The following NUTM1 variants were observed in gnomAD, a reference collection of about 807,000 sequenced individuals.
NUTM1 encodes NUT midline carcinoma family member 1.
In NUTM1, 39 loss-of-function variants were observed where a neutral mutation model predicts 88.7. That is an observed-to-expected ratio of 0.44 (90% CI 0.34 to 0.57). The LOEUF (loss-of-function observed/expected upper bound fraction) is 0.57, where lower values mean the gene tolerates loss of function less well. Among genes scored for constraint, NUTM1 ranks in the 20% least tolerant of loss-of-function variants. The pLI, the probability that NUTM1 is intolerant of heterozygous loss-of-function variation, is 0.01. For missense variants in NUTM1, 1,350 were observed against 1,414.5 expected, an observed-to-expected ratio of 0.95 and a Z score of 0.73; for synonymous variants, 494 against 538.0, an observed-to-expected ratio of 0.92 and a Z score of 1.13.
chr15:34,345,255 T>A (rs1890565892), intron 1 of NUTM1, among the ~76,000 whole-genome samples: 1 of 152,224 alleles, frequency 6.6e-6, no homozygotes, highest in Non-Finnish European at 1.5e-5. Flanking sequence ...AAATTTTATT[T>A]TTAAAGTTTA....
Position 34,356,758 on chromosome 15 carries a change from A to G in NUTM1, c.2750A>G (p.Asn917Ser), listed in dbSNP as rs764215753. The G allele has an allele frequency of 7.4e-6, 12 of 1,612,488 alleles. No individual in the cohort carries two copies. In the South Asian group the frequency reaches 1.2e-4, roughly 16 times the overall value. ...AGTCAAGAGGCAGGGAGCAGAGGCAATTCCTTTTCTCCTCTGTTGGAAACC... is the reference window on the plus strand; with the variant it reads ...AGTCAAGAGGCAGGGAGCAGAGGCAGTTCCTTTTCTCCTCTGTTGGAAACC... ...EASQEAGSRG[N>S]SFSPLLETIE... The change falls in exon 8 of 8, where the codon AAT becomes AGT. Residue 917 changes from asparagine to serine, a missense_variant. Coordinates refer to ENST00000537011, the MANE Select transcript of NUTM1 (RefSeq NM_001284292.2).
chr15:34,354,515 C>G lies in NUTM1; in HGVS notation c.1145C>G (p.Pro382Arg). 2.5e-6 allele frequency: 4 copies of G among 1,614,166 alleles called. No individual in the cohort carries two copies. The highest frequency in any genetic ancestry group is 3.4e-6 in the Non-Finnish European group (4 of 1,180,032). Residue 382 changes from proline (P) to arginine (R), a missense_variant, in exon 6 of 8, where the codon CCT becomes CGT. Pro to Arg is a moderately radical substitution (Grantham distance 103, BLOSUM62 -2). Transcript: ENST00000537011. Reference sequence around the variant, plus strand: ...CGGCGTCAGCGTAAAGCCCAGAGACCTCCTGCTCCTGAGGCACCCAAGGAG... The same window carrying G: ...CGGCGTCAGCGTAAAGCCCAGAGACGTCCTGCTCCTGAGGCACCCAAGGAG... ...PRRRQRKAQR[P>R]PAPEAPKEIP...
Position 34,348,520 on chromosome 15 carries a change from G to A in NUTM1, c.652G>A (p.Gly218Ser). 3 of 1,614,182 alleles carry A rather than the reference G, an allele frequency of 1.9e-6. No individual in the cohort carries two copies. Among genetic ancestry groups the A allele is most frequent in the Non-Finnish European group, 1.7e-6 (2 of 1,180,022 alleles). ...PGPHGTTGEG[G>S]PVATLSKPSL... Reference sequence around the variant, plus strand: ...GCCACATGGGACAACCGGGGAAGGAGGTCCTGTGGCCACTCTATCCAAGCC... The same window carrying A: ...GCCACATGGGACAACCGGGGAAGGAAGTCCTGTGGCCACTCTATCCAAGCC... The change falls in exon 3 of 8, where the codon GGT becomes AGT. Residue 218 changes from glycine (G) to serine (S), a missense_variant. This residue lies in a region of NUTM1 where 399 missense variants were observed against 397.9 expected (regional missense o/e 1.00). Transcript: ENST00000537011.
chr15:34,353,941 A>G, intron 5 of NUTM1, 69 bp downstream of exon 5: 3 of 1,556,316 alleles, frequency 1.9e-6, no homozygotes, highest in Non-Finnish European at 2.6e-6. Context: ...GAAGCCAGTC[A>G]CAGATTAGAG....
Position 34,354,478 on chromosome 15 carries a change from C to T in NUTM1, c.1108C>T (p.Arg370Trp), listed in dbSNP as rs560814084. ...YIPKKAASKT[R>W]APRRRQRKAQ... ...TCCGAAGAAGGCAGCCTCCAAGACA[C>T]GGGCCCCCCGCCGGCGTCAGCGTAA... Residue 370 changes from arginine to tryptophan, a missense_variant, in exon 6 of 8, where the codon CGG (arginine) becomes TGG (tryptophan). Arg to Trp is a moderately radical substitution (Grantham distance 101, BLOSUM62 -3). Coordinates refer to ENST00000537011, the MANE Select transcript of NUTM1 (RefSeq NM_001284292.2). 7.4e-5 allele frequency: 119 copies of T among 1,614,106 alleles called. No individual in the cohort carries two copies. The South Asian group carries it at 9.7e-4, about 13-fold the overall frequency.
intron 1 of NUTM1, among the ~76,000 whole-genome samples, chr15:34,343,983 G>A (rs1407402004): frequency 1.3e-5 from 2 of 151,832 alleles, no homozygotes; most frequent in East Asian, 3.9e-4. Flanking sequence ...CCAACACTGG[G>A]AGGCTGAGGC....
chr15:34,345,159 G>A (rs1039187798), intron 1 of NUTM1, among the ~76,000 whole-genome samples: 5 of 152,226 alleles, frequency 3.3e-5, no homozygotes, highest in Non-Finnish European at 7.3e-5. Context: ...CCTTTTGGGG[G>A]AAATCCACGT....
At position 34,356,496 on chromosome 15, in the gene NUTM1, T is replaced by C; in HGVS notation, c.2488T>C (p.Tyr830His). 6.2e-7 allele frequency: 1 copy of C among 1,613,906 alleles called. No individual in the cohort carries two copies. Reference sequence around the variant, plus strand: ...GGCAGCTGCCCTAGAAAAGAGAAACTATTGCAGCTTGCCAGGACCTTTGAG... The same window carrying C: ...GGCAGCTGCCCTAGAAAAGAGAAACCATTGCAGCTTGCCAGGACCTTTGAG... ...VAAAALEKRNYCSLPGPLRAN... is the reference protein window; with the variant it reads ...VAAAALEKRNHCSLPGPLRAN... The change falls in exon 8 of 8, where the codon TAT (tyrosine) becomes CAT (histidine). Residue 830 changes from tyrosine to histidine, a missense_variant. Coordinates refer to ENST00000537011, the MANE Select transcript of NUTM1 (RefSeq NM_001284292.2).
At chr15:34,347,299 C>T (rs982986128) in intron 2 of NUTM1, among the ~76,000 whole-genome samples, 11 of 151,632 alleles carry the variant, frequency 7.3e-5, no homozygotes, top group Non-Finnish European at 1.2e-4. Flanking sequence ...CCTTTGTCAC[C>T]GAGGCTGGAG....
Position 34,357,180 on chromosome 15 carries a change from C to T in NUTM1, c.3172C>T (p.Leu1058Phe), listed in dbSNP as rs1890833437. Residue 1058 changes from leucine to phenylalanine, a missense_variant, in exon 8 of 8, where the codon CTC (leucine) becomes TTC (phenylalanine). Physicochemically the swap from Leu to Phe is conservative, Grantham distance 22. Around this residue, in one of 5 missense-constraint regions of NUTM1, gnomAD observed 730 missense variants for 728.8 expected, o/e 1.00. Transcript: ENST00000537011. ...TTACCTCTTGGCCTCTAAACTTAGCCTCTCACCAAGGGAGCATCCCCTCAG... is the reference window on the plus strand; with the variant it reads ...TTACCTCTTGGCCTCTAAACTTAGCTTCTCACCAAGGGAGCATCCCCTCAG... ...FAYLLASKLSLSPREHPLSPH... is the reference protein window; with the variant it reads ...FAYLLASKLSFSPREHPLSPH... 1.2e-6 allele frequency: 2 copies of T among 1,614,076 alleles called. No individual in the cohort carries two copies. The highest frequency in any genetic ancestry group is 1.3e-5 in the African/African-American group (1 of 74,942).
rs1890824891 is a variant in NUTM1, at chr15:34,356,892, G to C, written c.2884G>C (p.Gly962Arg). The C allele has an allele frequency of 4.3e-6, 7 of 1,613,326 alleles. No individual in the cohort carries two copies. Among genetic ancestry groups the C allele is most frequent in the Non-Finnish European group, 5.9e-6 (7 of 1,179,930 alleles). The change falls in exon 8 of 8, where the codon GGC becomes CGC. Residue 962 changes from glycine (G) to arginine (R), a missense_variant. Transcript: ENST00000537011. ...TCATTCTTATGACCCCCAAGGAGAA[G>C]GCAGGGTGGATCCTGATCTGTCCAA... is the stretch of plus-strand genomic sequence containing the variant. ...NVHSYDPQGE[G>R]RVDPDLSKPK...
chr15:34,350,152 G>A (rs1462103323), intron 3 of NUTM1, among the ~76,000 whole-genome samples: 2 of 152,208 alleles, frequency 1.3e-5, no homozygotes, highest in Non-Finnish European at 2.9e-5. Flanking sequence ...GATTTCTTCT[G>A]GATTAGGAAG....
In NUTM1 at chr15:34,348,292, C is replaced by T; in HGVS notation, c.424C>T (p.Leu142Phe). Residue 142 changes from leucine to phenylalanine, a missense_variant, in exon 3 of 8, where the codon CTC (leucine) becomes TTC (phenylalanine). Leu to Phe is a conservative substitution (Grantham distance 22, BLOSUM62 0). Coordinates refer to ENST00000537011, the MANE Select transcript of NUTM1 (RefSeq NM_001284292.2). ...GAACTTTATCCTTACTCAGACTGCC[C>T]TCAATTCGACTGCCCCGGGCACTCC... ...TQNFILTQTA[L>F]NSTAPGTPCG... 1 of 1,614,248 alleles carries T rather than the reference C, an allele frequency of 6.2e-7. No individual in the cohort carries two copies. The highest frequency in any genetic ancestry group is 8.5e-7 in the Non-Finnish European group (1 of 1,180,040).
At position 34,348,178 on chromosome 15, in the gene NUTM1, G is replaced by A. The variant is rs535995310; in HGVS notation, c.310G>A (p.Gly104Arg). ...CAGCTCACTGTTGGTGACAGGGGAT[G>A]GGGGCCCTTGCCTCAGTGGGGCTGG... Reference protein sequence around the residue: ...FPSSLLVTGDGGPCLSGAGAG... With the variant: ...FPSSLLVTGDRGPCLSGAGAG... Residue 104 changes from glycine to arginine, a missense_variant, in exon 3 of 8, where the codon GGG becomes AGG. Gly to Arg is a moderately radical substitution (Grantham distance 125, BLOSUM62 -2). Around this residue, in one of 5 missense-constraint regions of NUTM1, gnomAD observed 399 missense variants for 397.9 expected, o/e 1.00. Transcript: ENST00000537011. The A allele has an allele frequency of 7.4e-6, 12 of 1,613,504 alleles. No homozygotes were observed. In the African/African-American group the frequency reaches 1.2e-4, roughly 16 times the overall value.
At chr15:34,345,360 G>A (rs1275255819) in intron 1 of NUTM1, among the ~76,000 whole-genome samples, 1 of 152,198 alleles carries the variant, frequency 6.6e-6, no homozygotes, top group Non-Finnish European at 1.5e-5. Context: ...TCAGCAAAGG[G>A]TAAGGCGTCT....
At position 34,348,413 on chromosome 15, in the gene NUTM1, G is replaced by A. The variant is rs953901396; in HGVS notation, c.545G>A (p.Gly182Asp). Reference sequence around the variant, plus strand: ...AAGGCTGTTGGTGTCAGCCAGGAGGGTCCTCCAGGCCTTCCGCCTCAGCCT... The same window carrying A: ...AAGGCTGTTGGTGTCAGCCAGGAGGATCCTCCAGGCCTTCCGCCTCAGCCT... ...PSKAVGVSQE[G>D]PPGLPPQPPP... Residue 182 changes from glycine to aspartate, a missense_variant, in exon 3 of 8, where the codon GGT (glycine) becomes GAT (aspartate). Around this residue, in one of 5 missense-constraint regions of NUTM1, gnomAD observed 399 missense variants for 397.9 expected, o/e 1.00. Transcript: ENST00000537011. The A allele has an allele frequency of 5.0e-6, 8 of 1,614,124 alleles. No individual in the cohort carries two copies. The highest frequency in any genetic ancestry group is 5.9e-6 in the Non-Finnish European group (7 of 1,179,992).
chr15:34,345,845 C>A, intron 1 of NUTM1, 97 bp from the exon 2 acceptor site: 1 of 1,503,368 alleles, frequency 6.7e-7, no homozygotes, highest in Non-Finnish European at 8.9e-7. Context: ...CCTCTCCCCT[C>A]CCCCACAGCA....
At chr15:34,354,997 A>G (rs372695724) in intron 6 of NUTM1, 24 bp from the exon 7 acceptor site, 24 of 1,553,058 alleles carry the variant, frequency 1.5e-5, no homozygotes, top group East Asian at 2.2e-5. Flanking sequence ...ACAGACTTAC[A>G]TCGCTTTTCC....
rs1218612896 is a variant in NUTM1 at position 34,343,669 on chromosome 15, C to T, written c.-28C>T. 5.2e-6 allele frequency: 8 copies of T among 1,532,334 alleles called. No individual in the cohort carries two copies. The highest frequency in any genetic ancestry group is 3.6e-5 in the South Asian group (3 of 83,998). The allele number at this position is 1,532,334 out of a possible 1,614,324, so 94.9% of individuals were successfully genotyped here. ...GTCGAACCAAGATTTAAAGTTAGGT[C>T]CCTACCGCAAATTCAGCGCTCTTTC... On this transcript the variant is annotated 5_prime_UTR_variant, in exon 1 of 8. Transcript: ENST00000537011.
Sources: gnomAD v4.1 joint callset for allele counts (sites outside exome capture counted in the v4.1 genomes callset) on GRCh38, gnomAD v4.1.1 for gene constraint, gnomAD v4.1.1 regional missense constraint, MANE v1.5 for transcripts, NCBI Gene and HGNC (gene_info 2026-07-23, HGNC 2026-07-21) for gene names.